The following SLAIN1 variants were observed in gnomAD, a reference collection of about 807,000 sequenced individuals.
SLAIN1 encodes SLAIN motif-containing protein 1.
Under a neutral mutation model 55.4 loss-of-function variants are expected in SLAIN1, and 17 were observed. The observed-to-expected ratio is 0.31, with a 90% CI of 0.21 to 0.46. The LOEUF (loss-of-function observed/expected upper bound fraction) is 0.46, where lower values mean the gene tolerates loss of function less well. Among genes scored for constraint, SLAIN1 ranks in the 20% least tolerant of loss-of-function variants. The pLI is 1.00. For synonymous variants in SLAIN1, 348 were observed against 337.4 expected (o/e 1.03, Z -0.35); for missense variants, 682 against 785.1 (o/e 0.87, Z 1.57).
chr13:77,732,516 C>T (rs577001570), intron 2 of SLAIN1, among the ~76,000 whole-genome samples: 4 of 152,188 alleles, frequency 2.6e-5, no homozygotes, highest in African/African-American at 7.2e-5. Flanking sequence ...AACATCTCAT[C>T]GTTGCCAAAT....
chr13:77,734,479 A>G (rs1566234213), intron 2 of SLAIN1, among the ~76,000 whole-genome samples: 1 of 152,134 alleles, frequency 6.6e-6, no homozygotes, highest in Admixed American at 6.6e-5. Flanking sequence ...GTCAAGATAA[A>G]TAAGTAAGAA....
chr13:77,762,652 G>A (rs187439737), intron 6 of SLAIN1, among the ~76,000 whole-genome samples: 44 of 152,098 alleles, frequency 2.9e-4, no homozygotes, highest in African/African-American at 9.2e-4. Flanking sequence ...CTCCTGCCTC[G>A]GCCTCCCAAA....
In SLAIN1 at chr13:77,698,229, G is replaced by GGCGGTGGCGGCA. The variant is rs2090993919; in HGVS notation, c.322_333dup (p.Gly108_Gly111dup). 7.5e-7 allele frequency: 1 copy of GGCGGTGGCGGCA among 1,334,728 alleles called. No individual in the cohort carries two copies. The highest frequency in any genetic ancestry group is 1.5e-5 in the African/African-American group (1 of 65,442). The allele number at this position is 1,334,728 out of a possible 1,614,324, so 82.7% of individuals were successfully genotyped here. ...GCTCGGGCTGGCGCTGGGCGCGGGG[G>GGCGGTGGCGGCA]GCGGTGGCGGCAGCGGTAGTGGCAG... is the stretch of plus-strand genomic sequence containing the variant. On this transcript the variant is annotated inframe_insertion, in exon 1 of 7. Transcript: ENST00000418532. This position sits in a 1 kb window ranked among gnomAD's most constrained non-coding sequence, Gnocchi z 4.1.
chr13:77,716,937 C>G (rs1052252844), intron 1 of SLAIN1, among the ~76,000 whole-genome samples: 12 of 152,098 alleles, frequency 7.9e-5, no homozygotes, highest in Admixed American at 2.0e-4. Flanking sequence ...ATGTCTGTGT[C>G]TGTTTGATAT....
At chr13:77,752,604 C>T (rs1874309097) in intron 4 of SLAIN1, among the ~76,000 whole-genome samples, 1 of 152,076 alleles carries the variant, frequency 6.6e-6, no homozygotes, top group African/African-American at 2.4e-5. Flanking sequence ...TGTCTGCAAG[C>T]TGAGGAGCAA....
At chr13:77,727,215 T>G (rs1215730999) in intron 2 of SLAIN1, among the ~76,000 whole-genome samples, 2 of 152,202 alleles carry the variant, frequency 1.3e-5, no homozygotes. Flanking sequence ...CTAACGATGT[T>G]TGCTTTCTAT....
chr13:77,748,889 A>G (rs2154410593), intron 4 of SLAIN1, among the ~76,000 whole-genome samples: 1 of 152,270 alleles, frequency 6.6e-6, no homozygotes, highest in Non-Finnish European at 1.5e-5. Flanking sequence ...TTCACACCAA[A>G]CCATCTGGTA....
intron 1 of SLAIN1, among the ~76,000 whole-genome samples, chr13:77,699,739 C>T (rs945544717): frequency 1.3e-5 from 2 of 152,190 alleles, no homozygotes; most frequent in Non-Finnish European, 2.9e-5. Context: ...GTGTATTCAT[C>T]ATCCACCTTA....
chr13:77,700,315 G>A (rs2091018353), intron 1 of SLAIN1, among the ~76,000 whole-genome samples: 2 of 152,152 alleles, frequency 1.3e-5, no homozygotes, highest in African/African-American at 4.8e-5. Flanking sequence ...CAGATGGTTT[G>A]AAGCAAATCA....
At chr13:77,711,436 A>G (rs1305401960) in intron 1 of SLAIN1, among the ~76,000 whole-genome samples, 1 of 150,980 alleles carries the variant, frequency 6.6e-6, no homozygotes, top group African/African-American at 2.5e-5. Flanking sequence ...ATCTGAGAAT[A>G]CTATAAATAC....
At chr13:77,721,700 A>G (rs1272002921) in intron 2 of SLAIN1, among the ~76,000 whole-genome samples, 1 of 152,010 alleles carries the variant, frequency 6.6e-6, no homozygotes, top group Non-Finnish European at 1.5e-5. Flanking sequence ...TGATCAATGC[A>G]GAAATTAATG....
At chr13:77,732,335 T>G (rs1185272927) in intron 2 of SLAIN1, among the ~76,000 whole-genome samples, 1 of 152,118 alleles carries the variant, frequency 6.6e-6, no homozygotes, top group Non-Finnish European at 1.5e-5. Flanking sequence ...GGGCCCTCTG[T>G]TTTCAGCATG....
At chr13:77,734,872 C>T (rs1873043264) in intron 2 of SLAIN1, among the ~76,000 whole-genome samples, 3 of 151,762 alleles carry the variant, frequency 2.0e-5, no homozygotes, top group Admixed American at 2.0e-4. Context: ...ATACATAAAA[C>T]AGCCAGGTGT....
At chr13:77,713,807 G>T (rs1242499605) in intron 1 of SLAIN1, among the ~76,000 whole-genome samples, 1 of 152,158 alleles carries the variant, frequency 6.6e-6, no homozygotes, top group Non-Finnish European at 1.5e-5. Context: ...TAAAGAAAAT[G>T]TGGCACATAC....
At chr13:77,763,120 C>T (rs1328733990) in intron 6 of SLAIN1, 25 bp from the exon 7 acceptor site, 3 of 1,593,702 alleles carry the variant, frequency 1.9e-6, no homozygotes, top group South Asian at 1.1e-5. Context: ...CAATCTCTCT[C>T]TCTGTTTTTC....
Position 77,698,454 on chromosome 13 carries a change from T to TCGCCGCCCC in SLAIN1, c.543_551dup (p.Pro182_Pro184dup), listed in dbSNP as rs772395032. 2.1e-6 allele frequency: 3 copies of TCGCCGCCCC among 1,439,428 alleles called. No homozygotes were observed. Among genetic ancestry groups the TCGCCGCCCC allele is most frequent in the East Asian group, 6.1e-5 (2 of 32,840 alleles). 89.2% of individuals were successfully genotyped at this position (1,439,428 alleles called of 1,614,324 possible). A position where few individuals can be genotyped will look rare whatever the true frequency, so the allele number is the denominator to read the frequency against. ...GCCAGGGGCAGCTGCAGCGCCGCCC[T>TCGCCGCCCC]CGCCGCCCCCCACGCTGCTGGACGA... On this transcript the variant is annotated inframe_insertion, in exon 1 of 7. Transcript: ENST00000418532. This position sits in a 1 kb window ranked among gnomAD's most constrained non-coding sequence, Gnocchi z 4.1.
Position 77,741,160 on chromosome 13 carries a change from G to C in SLAIN1, c.767-3123G>C, listed in dbSNP as rs150087785. 3.6e-3 allele frequency: 3,553 copies of C among 985,316 alleles called. 4 individuals are homozygous for C. Among genetic ancestry groups the C allele is most frequent in the Non-Finnish European group, 4.0e-3 (3,344 of 829,886 alleles). 61.0% of individuals were successfully genotyped at this position (985,316 alleles called of 1,614,324 possible). A position where few individuals can be genotyped will look rare whatever the true frequency, so the allele number is the denominator to read the frequency against. The stretch of plus-strand genomic sequence containing the variant: ...CTGTGGGTGAGAACACGCAGTTACT[G>C]TAATTTGCCTGGCAAGTGATCAGAC... On this transcript the variant is annotated intron_variant, in intron 2 of 6. Transcript: ENST00000418532.
intron 4 of SLAIN1, among the ~76,000 whole-genome samples, chr13:77,751,641 G>T (rs1241879278): frequency 1.3e-5 from 2 of 152,204 alleles, no homozygotes; most frequent in African/African-American, 4.8e-5. Context: ...CACCCCTGTG[G>T]TCGGGGAGCA....
At chr13:77,750,242 G>A (rs1311298031) in intron 4 of SLAIN1, among the ~76,000 whole-genome samples, 1 of 152,002 alleles carries the variant, frequency 6.6e-6, no homozygotes, top group East Asian at 1.9e-4. Context: ...TGGAAAAACA[G>A]GTGTTTATGA....
Sources: allele counts gnomAD v4.1 joint callset (sites outside exome capture counted in the v4.1 genomes callset), GRCh38; gene constraint gnomAD v4.1.1; non-coding constraint Gnocchi (gnomAD v3.1); transcripts MANE v1.5; gene names NCBI Gene and HGNC (gene_info 2026-07-23, HGNC 2026-07-21).